Variants in EPB41 observed in about 807,000 individuals in gnomAD.
EPB41 encodes erythrocyte membrane protein band 4.1, also known as protein 4.1.
In EPB41, 65 loss-of-function variants were observed where a neutral mutation model predicts 108.0. The observed-to-expected ratio is 0.60, with a 90% CI of 0.49 to 0.74. The LOEUF (loss-of-function observed/expected upper bound fraction) is 0.74, where lower values mean the gene tolerates loss of function less well. Ranked by LOEUF, EPB41 falls within the 30% of genes least tolerant of loss-of-function variation. EPB41 has a pLI of 0.00. For synonymous variants in EPB41, 336 were observed against 358.9 expected (o/e 0.94, Z 0.72); for missense variants, 875 against 1,037.0 (o/e 0.84, Z 2.15).
chr1:28,960,715 G>C (rs2095174497), intron 1 of EPB41, among the ~76,000 whole-genome samples: 1 of 142,922 alleles, frequency 7.0e-6, no homozygotes, highest in Non-Finnish European at 1.5e-5. Context: ...GGGCGACAGA[G>C]ATCCTGTCGC....
At position 28,962,624 on chromosome 1, in the gene EPB41, G is replaced by C. The variant is rs537594124; in HGVS notation, c.-7-24807G>C. 1.3e-4 allele frequency among the ~76,000 whole-genome samples: 20 copies of C among 151,416 alleles called. No homozygotes were observed. The East Asian group carries it at 3.7e-3, about 28-fold the overall frequency. ...AACTCTAATCTACTTTCTGTCTCTG[G>C]ATTTGACTAGGTTAGAACTTTCTGT... On this transcript the variant is annotated intron_variant, in intron 1 of 20. Coordinates refer to ENST00000343067, the MANE Select transcript of EPB41 (RefSeq NM_001376013.1).
Position 28,975,007 on chromosome 1 carries a change from TG to T in EPB41, c.-7-12422del, listed in dbSNP as rs546106254. ...TGGGGTTTCTCCATGTTGGTCAGGC[TG>T]GTCTCAAACTCCTGACCTCAGGTGA... is the stretch of plus-strand genomic sequence containing the variant. On this transcript the variant is annotated intron_variant, in intron 1 of 20. Coordinates refer to ENST00000343067, the MANE Select transcript of EPB41 (RefSeq NM_001376013.1). 5.1e-3 allele frequency among the ~76,000 whole-genome samples: 781 copies of T among 152,240 alleles called. 7 individuals are homozygous for T. Among genetic ancestry groups the T allele is most frequent in the African/African-American group, 0.018 (733 of 41,538 alleles).
intron 1 of EPB41, chr1:28,889,770 A>C (rs2089898160): frequency 6.1e-6 from 6 of 983,842 alleles, no homozygotes; most frequent in Non-Finnish European, 7.2e-6. Flanking sequence ...TCCTGAGCCC[A>C]GGTGTGGAAC....
intron 1 of EPB41, among the ~76,000 whole-genome samples, chr1:28,931,051 A>C (rs1471219856): frequency 6.6e-6 from 1 of 152,164 alleles, no homozygotes; most frequent in Non-Finnish European, 1.5e-5. Context: ...AAAACTAGGG[A>C]TGAAAACAAA....
chr1:28,897,667 G>C (rs12739657), intron 1 of EPB41, among the ~76,000 whole-genome samples: 1 of 147,034 alleles, frequency 6.8e-6, no homozygotes, highest in Admixed American at 6.8e-5. Flanking sequence ...GGGGACAGGA[G>C]GGAAGGGAAG....
intron 5 of EPB41, 41 bp from the exon 6 acceptor site, chr1:29,015,651 T>TTAGG (rs776620068): frequency 8.4e-7 from 1 of 1,192,236 alleles, no homozygotes; most frequent in Non-Finnish European, 1.2e-6. Context: ...AATTAGAAAC[T>TTAGG]TAGGTATAAA....
chr1:29,083,090 CTG>C (rs1261377961), intron 16 of EPB41, among the ~76,000 whole-genome samples: 1 of 151,640 alleles, frequency 6.6e-6, no homozygotes, highest in Non-Finnish European at 1.5e-5. Flanking sequence ...TAGCAATAGA[CTG>C]TGAAAATGAC....
At chr1:29,017,976 ATT>A (rs930889414) in intron 6 of EPB41, among the ~76,000 whole-genome samples, 6 of 151,962 alleles carry the variant, frequency 3.9e-5, no homozygotes, top group African/African-American at 1.5e-4. Context: ...TAGTTACAGT[ATT>A]TTTTTTAAGT....
intron 1 of EPB41, among the ~76,000 whole-genome samples, chr1:28,961,450 G>A (rs1325486032): frequency 6.6e-6 from 1 of 152,148 alleles, no homozygotes; most frequent in Non-Finnish European, 1.5e-5. Flanking sequence ...TAAAGCTTAA[G>A]ATCATTGATG....
At chr1:28,965,441 AG>A (rs1471171114) in intron 1 of EPB41, among the ~76,000 whole-genome samples, 1 of 152,134 alleles carries the variant, frequency 6.6e-6, no homozygotes, top group African/African-American at 2.4e-5. Context: ...ATTACTTAAG[AG>A]AATAAGGTGT....
chr1:28,889,908 C>T, intron 1 of EPB41: 10 of 919,744 alleles, frequency 1.1e-5, no homozygotes, highest in Non-Finnish European at 1.3e-5. Context: ...TTATGGTGTC[C>T]TGAGATTTGT....
At chr1:29,099,314 C>G (rs1224084112) in intron 17 of EPB41, among the ~76,000 whole-genome samples, 1 of 150,394 alleles carries the variant, frequency 6.6e-6, no homozygotes, top group Non-Finnish European at 1.5e-5. Flanking sequence ...TACTGGTGAG[C>G]CACTACGCCT....
In EPB41 at chr1:29,053,395, A is replaced by G. The variant is rs552146142; in HGVS notation, c.1845+83A>G. 9 of 1,409,840 alleles carry G rather than the reference A, an allele frequency of 6.4e-6. No individual in the cohort carries two copies. The East Asian group carries it at 1.9e-4, about 29-fold the overall frequency. The allele number at this position is 1,409,840 out of a possible 1,614,324, so 87.3% of individuals were successfully genotyped here. ...TTTTGACCAGGAACGTTTTCAAAGC[A>G]ATTGCTTATTCTCATAGACTCAACA... is the stretch of plus-strand genomic sequence containing the variant. On this transcript the variant is annotated intron_variant, in intron 12 of 20. Coordinates refer to ENST00000343067, the MANE Select transcript of EPB41 (RefSeq NM_001376013.1).
At chr1:29,019,510 A>G (rs925455545) in intron 7 of EPB41, among the ~76,000 whole-genome samples, 1 of 152,208 alleles carries the variant, frequency 6.6e-6, no homozygotes, top group African/African-American at 2.4e-5. Flanking sequence ...GTGACTTGCT[A>G]TAGCTTAGTT....
At chr1:29,099,255 TGCTCCACTGCATTAAAAAAAAA>T (rs1664386396) in intron 17 of EPB41, among the ~76,000 whole-genome samples, 1 of 145,810 alleles carries the variant, frequency 6.9e-6, no homozygotes, top group Admixed American at 6.8e-5. Flanking sequence ...GAGCCGAGAT[TGCTCCACTGCATTAAAAAAAAA>T]AAAAAAAAAG....
At chr1:29,113,691 C>T (rs948440158) in intron 19 of EPB41, among the ~76,000 whole-genome samples, 1 of 152,216 alleles carries the variant, frequency 6.6e-6, no homozygotes, top group African/African-American at 2.4e-5. Context: ...TATTACCAAC[C>T]TGAGCTCTAG....
At chr1:29,006,267 C>T (rs531405975) in intron 4 of EPB41, among the ~76,000 whole-genome samples, 10 of 139,656 alleles carry the variant, frequency 7.2e-5, no homozygotes, top group African/African-American at 2.6e-4. Flanking sequence ...GACGGAGTCT[C>T]GCTCTGTCGC....
Position 28,887,351 on chromosome 1 carries a change from C to A in EPB41, c.-8+141C>A. 8.7e-7 allele frequency: 1 copy of A among 1,149,814 alleles called. No individual in the cohort carries two copies. Among genetic ancestry groups the A allele is most frequent in the Non-Finnish European group, 1.1e-6 (1 of 922,146 alleles). The allele number at this position is 1,149,814 out of a possible 1,614,324, so 71.2% of individuals were successfully genotyped here. A position where few individuals can be genotyped will look rare whatever the true frequency, so the allele number is the denominator to read the frequency against. On this transcript the variant is annotated intron_variant, in intron 1 of 16. Coordinates refer to the EPB41 transcript ENST00000347529. This position sits in a 1 kb window ranked among gnomAD's most constrained non-coding sequence, Gnocchi z 4.9. ...AAGGGTCCAGGGCTGAGGGGTCCAG[C>A]GGTCCCGAATTCCAGAATCCGAACT...
intron 2 of EPB41, 70 bp from the exon 3 acceptor site, chr1:28,993,260 G>T: frequency 8.3e-7 from 1 of 1,209,608 alleles, no homozygotes. Flanking sequence ...GATTATTATA[G>T]GTAAAAGCAT....
Sources: gnomAD v4.1 joint callset for allele counts (sites outside exome capture counted in the v4.1 genomes callset) on GRCh38, gnomAD v4.1.1 for gene constraint, Gnocchi (gnomAD v3.1) non-coding constraint, MANE v1.5 for transcripts, NCBI Gene and HGNC (gene_info 2026-07-23, HGNC 2026-07-21) for gene names.